FRAS1: variants seen among roughly 807,000 people sequenced by gnomAD.
The protein encoded by FRAS1 is extracellular matrix organizing protein FRAS1.
Under a neutral mutation model 435.2 loss-of-function variants are expected in FRAS1, and 290 were observed. The ratio of observed to expected loss-of-function variants is 0.67; its 90% CI spans 0.61 to 0.73. The LOEUF is 0.73. FRAS1 is among the 30% of genes least tolerant of loss of function. The probability of loss-of-function intolerance (pLI) is 0.00; values close to 1 mark genes in which losing one functional copy is unlikely to be tolerated. For missense variants in FRAS1, 4,860 were observed against 5,001.5 expected, an observed-to-expected ratio of 0.97 and a Z score of 0.85; for synonymous variants, 1,800 against 1,851.0, an observed-to-expected ratio of 0.97 and a Z score of 0.71.
intron 2 of FRAS1, among the ~76,000 whole-genome samples, chr4:78,067,447 A>T (rs1740094364): frequency 1.3e-5 from 2 of 152,044 alleles, no homozygotes; most frequent in Admixed American, 6.6e-5. Context: ...GTAATTGGAG[A>T]GGTCAGTTTG....
At chr4:78,394,748 T>C (rs1453517449) in intron 29 of FRAS1, among the ~76,000 whole-genome samples, 2 of 152,170 alleles carry the variant, frequency 1.3e-5, no homozygotes, top group East Asian at 3.9e-4. Flanking sequence ...TAAAATGCCA[T>C]TGGAATTTTG....
intron 2 of FRAS1, among the ~76,000 whole-genome samples, chr4:78,139,167 T>C (rs751787089): frequency 2.0e-5 from 3 of 152,160 alleles, no homozygotes; most frequent in African/African-American, 4.8e-5. Context: ...CAGTCACTAA[T>C]GGTGGGGTAG....
At chr4:78,299,841 T>G (rs1429137411) in intron 14 of FRAS1, among the ~76,000 whole-genome samples, 2 of 152,240 alleles carry the variant, frequency 1.3e-5, no homozygotes, top group Non-Finnish European at 2.9e-5. Context: ...CAGTGCAGTT[T>G]GCACAATGTC....
chr4:78,451,884 C>T lies in FRAS1; in HGVS notation c.6576C>T (p.Ser2192=), dbSNP rs746078545. ...TGATTGACAAGTCATTTTCCATCAGCATTCTAGGTAAAGAGACATTTGATT... is the reference window on the plus strand; with the variant it reads ...TGATTGACAAGTCATTTTCCATCAGTATTCTAGGTAAAGAGACATTTGATT... ...NRLIDKSFSI[S]ILEDKSPPVI... is the part of the protein sequence containing the mutation. The change falls in exon 46 of 74, where the codon AGC becomes AGT. Residue 2192 remains serine, a synonymous_variant. Transcript: ENST00000512123. The T allele has an allele frequency of 1.3e-5, 21 of 1,611,254 alleles. No homozygotes were observed. In the Middle Eastern group the frequency reaches 8.3e-4, roughly 63 times the overall value.
At chr4:78,515,760 A>G in intron 65 of FRAS1, 39 bp from the exon 66 acceptor site, 3 of 1,600,144 alleles carry the variant, frequency 1.9e-6, no homozygotes, top group Non-Finnish European at 2.6e-6. Flanking sequence ...TGGCATCCAC[A>G]AACCAAGTTA....
At chr4:78,296,646 C>T (rs547330452) in intron 14 of FRAS1, among the ~76,000 whole-genome samples, 6 of 152,268 alleles carry the variant, frequency 3.9e-5, no homozygotes, top group African/African-American at 7.2e-5. Flanking sequence ...AGCCCCTGGG[C>T]GAGGCTGGAG....
At position 78,257,763 on chromosome 4, in the gene FRAS1, T is replaced by C. The variant is rs543900119; in HGVS notation, c.603+2388T>C. Reference sequence around the variant, plus strand: ...CATAGTTATAATCACATTTTAAAAATTGGTGATAATCCTTGACAAGAGGAG... The same window carrying C: ...CATAGTTATAATCACATTTTAAAAACTGGTGATAATCCTTGACAAGAGGAG... On this transcript the variant is annotated intron_variant, in intron 6 of 73. Coordinates refer to ENST00000512123, the MANE Select transcript of FRAS1 (RefSeq NM_025074.7). Among the ~76,000 whole-genome samples, 4 of 152,254 alleles carry C rather than the reference T, an allele frequency of 2.6e-5. No homozygotes were observed. In the South Asian group the frequency reaches 6.2e-4, roughly 24 times the overall value.
In FRAS1 at chr4:78,460,096, G is replaced by C. The variant is rs993587887; in HGVS notation, c.6764-3925G>C. 2.6e-5 allele frequency among the ~76,000 whole-genome samples: 4 copies of C among 152,310 alleles called. No homozygotes were observed. In the Middle Eastern group the frequency reaches 0.014, roughly 518 times the overall value. Reference sequence around the variant, plus strand: ...CAAGAAGGCTGGGAGTCTCCCACAGGATGAGCTTGAGATAGGACATGGACA... The same window carrying C: ...CAAGAAGGCTGGGAGTCTCCCACAGCATGAGCTTGAGATAGGACATGGACA... On this transcript the variant is annotated intron_variant, in intron 47 of 73. Transcript: ENST00000512123.
rs1209332001 is a variant in FRAS1, at chr4:78,479,378, T to C, written c.8103T>C (p.Asp2701=). 1.4e-6 allele frequency: 2 copies of C among 1,471,788 alleles called. No homozygotes were observed. The highest frequency in any genetic ancestry group is 1.8e-6 in the Non-Finnish European group (2 of 1,108,564). 91.2% of individuals were successfully genotyped at this position (1,471,788 alleles called of 1,614,324 possible). ...FLFAPIERKG[D]ASSIVSAICY... ...TTTTTGCCATTTGTATTTCAGGAGATGCAAGCAGCATTGTATCTGCAATTT... is the reference window on the plus strand; with the variant it reads ...TTTTTGCCATTTGTATTTCAGGAGACGCAAGCAGCATTGTATCTGCAATTT... Residue 2701 remains aspartate (D), a synonymous_variant, in exon 56 of 74, where the codon GAT becomes GAC. Coordinates refer to ENST00000512123, the MANE Select transcript of FRAS1 (RefSeq NM_025074.7).
At chr4:78,534,385 C>A in intron 70 of FRAS1, 64 bp from the exon 71 acceptor site, 1 of 1,414,668 alleles carries the variant, frequency 7.1e-7, no homozygotes, top group Non-Finnish European at 9.8e-7. Flanking sequence ...GGGAGGGTGA[C>A]TCAAATGACA....
intron 2 of FRAS1, among the ~76,000 whole-genome samples, chr4:78,070,194 T>C (rs771812468): frequency 1.3e-5 from 2 of 152,160 alleles, no homozygotes; most frequent in Non-Finnish European, 2.9e-5. Flanking sequence ...CTTAAAAACA[T>C]ACAATGTACA....
chr4:78,235,446 G>A (rs1010259016), intron 2 of FRAS1, among the ~76,000 whole-genome samples: 2 of 152,156 alleles, frequency 1.3e-5, no homozygotes, highest in Admixed American at 1.3e-4. Context: ...CTTCCCTAAA[G>A]TATTTTAGTA....
chr4:78,356,117 G>C (rs1333217389), intron 20 of FRAS1, among the ~76,000 whole-genome samples: 1 of 152,126 alleles, frequency 6.6e-6, no homozygotes, highest in African/African-American at 2.4e-5. Flanking sequence ...ATTATGTTTA[G>C]ATTGTATAAT....
chr4:78,296,342 C>A (rs922102819), intron 14 of FRAS1, among the ~76,000 whole-genome samples: 1 of 151,852 alleles, frequency 6.6e-6, no homozygotes, highest in Non-Finnish European at 1.5e-5. Context: ...GGTGTAAAGC[C>A]TTCAATTGGC....
At chr4:78,503,109 C>G (rs11098204) in intron 61 of FRAS1, among the ~76,000 whole-genome samples, 1 of 152,048 alleles carries the variant, frequency 6.6e-6, no homozygotes, top group African/African-American at 2.4e-5. Flanking sequence ...CTGCTGGATT[C>G]GATTCACCAG....
Position 78,308,072 on chromosome 4 carries a change from A to C in FRAS1, c.1541A>C (p.His514Pro), listed in dbSNP as rs1728859645. The C allele has an allele frequency of 6.2e-7, 1 of 1,606,850 alleles. No individual in the cohort carries two copies. The highest frequency in any genetic ancestry group is 1.3e-5 in the African/African-American group (1 of 74,670). ...TTTTGCTATTCGTCTGCAGTCTGCC[A>C]TGAGTCCTGTGCAGGTTGCTGGGGC... is the stretch of plus-strand genomic sequence containing the variant. ...YQDRHSCAVC[H>P]ESCAGCWGPT... Residue 514 changes from histidine to proline, a missense_variant, in exon 15 of 74, where the codon CAT becomes CCT. Transcript: ENST00000512123.
At chr4:78,157,137 G>T (rs1407922048) in intron 2 of FRAS1, among the ~76,000 whole-genome samples, 2 of 152,128 alleles carry the variant, frequency 1.3e-5, no homozygotes, top group African/African-American at 4.8e-5. Flanking sequence ...CATCCATACT[G>T]CTGCAAATGA....
Position 78,317,482 on chromosome 4 carries a change from T to C in FRAS1, c.1934T>C (p.Phe645Ser), listed in dbSNP as rs201057594. ...GHCLPRCGEG[F>S]YSDHGVCKAC... Reference sequence around the variant, plus strand: ...TGTCTGCCCCGCTGTGGAGAGGGTTTCTACTCTGACCATGGAGTCTGCAAA... The same window carrying C: ...TGTCTGCCCCGCTGTGGAGAGGGTTCCTACTCTGACCATGGAGTCTGCAAA... Residue 645 changes from phenylalanine to serine, a missense_variant, in exon 17 of 74, where the codon TTC becomes TCC. Phe to Ser is a radical substitution (Grantham distance 155). Coordinates refer to ENST00000512123, the MANE Select transcript of FRAS1 (RefSeq NM_025074.7). 1.3e-4 allele frequency: 208 copies of C among 1,613,854 alleles called. No individual in the cohort carries two copies. The highest frequency in any genetic ancestry group is 2.8e-4 in the Admixed American group (17 of 60,016).
At chr4:78,375,506 A>G (rs1409365522) in intron 25 of FRAS1, among the ~76,000 whole-genome samples, 1 of 152,230 alleles carries the variant, frequency 6.6e-6, no homozygotes. Context: ...TTAACTTTTT[A>G]AACAATTCAT....
Sources: allele counts gnomAD v4.1 joint callset (sites outside exome capture counted in the v4.1 genomes callset), GRCh38; gene constraint gnomAD v4.1.1; transcripts MANE v1.5; gene names NCBI Gene and HGNC (gene_info 2026-07-23, HGNC 2026-07-21).